Variants in THSD7A observed in about 807,000 individuals in gnomAD.
The protein encoded by THSD7A is thrombospondin type 1 domain containing 7A.
Under a neutral mutation model 231.3 loss-of-function variants are expected in THSD7A, and 96 were observed. The observed-to-expected ratio is 0.41, with a 90% CI of 0.35 to 0.49. The LOEUF is 0.49. THSD7A is among the 20% of genes least tolerant of loss of function. THSD7A has a pLI of 0.05. For synonymous variants in THSD7A, 940 were observed against 743.3 expected, an observed-to-expected ratio of 1.26 and a Z score of -4.30; for missense variants, 2,290 against 2,070.2, an observed-to-expected ratio of 1.11 and a Z score of -2.06.
In THSD7A at chr7:11,643,603, GCA is replaced by G. The variant is rs71027421; in HGVS notation, c.191-6644_191-6643del. Among the ~76,000 whole-genome samples, 1,206 of 149,566 alleles carry G rather than the reference GCA, an allele frequency of 8.1e-3. 14 individuals carry two copies. The highest frequency in any genetic ancestry group is 0.025 in the African/African-American group (1,026 of 40,558). On this transcript the variant is annotated intron_variant, in intron 1 of 27. Coordinates refer to ENST00000423059, the MANE Select transcript of THSD7A (RefSeq NM_015204.3). ...CAACAGATACACCACACGCACGCGCGCACACACACACACACACACAGATTGAA... is the reference window on the plus strand; with the variant it reads ...CAACAGATACACCACACGCACGCGCGCACACACACACACACACAGATTGAA...
chr7:11,598,885 T>G (rs1780457420), intron 2 of THSD7A, among the ~76,000 whole-genome samples: 1 of 152,134 alleles, frequency 6.6e-6, no homozygotes, highest in African/African-American at 2.4e-5. Context: ...ACAACAATGA[T>G]TCCATTAAAC....
chr7:11,542,815 G>A, intron 5 of THSD7A, 147 bp downstream of exon 5: 1 of 849,802 alleles, frequency 1.2e-6, no homozygotes, highest in East Asian at 2.8e-5. Context: ...TATCACTGGA[G>A]AAGGTTAATT....
At chr7:11,654,823 T>G (rs1220518414) in intron 1 of THSD7A, among the ~76,000 whole-genome samples, 1 of 151,938 alleles carries the variant, frequency 6.6e-6, no homozygotes, top group Non-Finnish European at 1.5e-5. Context: ...ATATATCTAC[T>G]GAAATCGAAC....
At chr7:11,522,481 C>T (rs974984536) in intron 6 of THSD7A, among the ~76,000 whole-genome samples, 2 of 152,112 alleles carry the variant, frequency 1.3e-5, no homozygotes, top group African/African-American at 4.8e-5. Flanking sequence ...AAGTACTTTG[C>T]TTATTTTTCT....
At chr7:11,541,839 A>G (rs1438028699) in intron 5 of THSD7A, among the ~76,000 whole-genome samples, 2 of 152,214 alleles carry the variant, frequency 1.3e-5, no homozygotes, top group African/African-American at 2.4e-5. Flanking sequence ...ATGGAATGAA[A>G]AAAAATGAGA....
At chr7:11,669,971 A>G (rs920054485) in intron 1 of THSD7A, among the ~76,000 whole-genome samples, 1 of 150,852 alleles carries the variant, frequency 6.6e-6, no homozygotes, top group African/African-American at 2.4e-5. Flanking sequence ...TGTTGCATTC[A>G]TGTGTGTGTG....
In THSD7A at chr7:11,754,509, G is replaced by C. The variant is rs941755076; in HGVS notation, c.190+77248C>G. ...CATGTTTACTACCTGACCACTTTTA[G>C]CATGAATCTTTCTTCTGCTTCTTGT... On this transcript the variant is annotated intron_variant, in intron 1 of 27. Coordinates refer to ENST00000423059, the MANE Select transcript of THSD7A (RefSeq NM_015204.3). 2.0e-5 allele frequency among the ~76,000 whole-genome samples: 3 copies of C among 152,048 alleles called. No homozygotes were observed. The South Asian group carries it at 6.2e-4, about 31-fold the overall frequency.
At chr7:11,718,706 T>A (rs946750371) in intron 1 of THSD7A, among the ~76,000 whole-genome samples, 2 of 151,580 alleles carry the variant, frequency 1.3e-5, no homozygotes, top group Non-Finnish European at 3.0e-5. Context: ...TGATAAGACA[T>A]AATTATAAAA....
intron 1 of THSD7A, among the ~76,000 whole-genome samples, chr7:11,670,988 G>C (rs1289482652): frequency 6.6e-6 from 1 of 152,100 alleles, no homozygotes; most frequent in Non-Finnish European, 1.5e-5. Context: ...TTTTCCATAA[G>C]ATTTCACAAG....
chr7:11,762,799 T>A (rs540757087), intron 1 of THSD7A, among the ~76,000 whole-genome samples: 1 of 151,478 alleles, frequency 6.6e-6, no homozygotes, highest in East Asian at 1.9e-4. Context: ...ATGAAAAAAA[T>A]TATAGATGAC....
At chr7:11,495,518 T>A (rs1183417577) in intron 6 of THSD7A, among the ~76,000 whole-genome samples, 1 of 152,150 alleles carries the variant, frequency 6.6e-6, no homozygotes, top group Non-Finnish European at 1.5e-5. Flanking sequence ...CTGTAGTAGT[T>A]GGTGAACAGT....
rs1395087095 is a variant in THSD7A, at chr7:11,473,935, T to C, written c.2252+399A>G. ...CAGATCATACAAGGCTTCTACCCAATTAAACTAGATTGGGCAGCCTCCGTA... is the reference window on the plus strand; with the variant it reads ...CAGATCATACAAGGCTTCTACCCAACTAAACTAGATTGGGCAGCCTCCGTA... On this transcript the variant is annotated intron_variant, in intron 8 of 27. Coordinates refer to ENST00000423059, the MANE Select transcript of THSD7A (RefSeq NM_015204.3). Among the ~76,000 whole-genome samples the C allele has an allele frequency of 3.9e-5, 6 of 152,100 alleles. 1 individual carries two copies. In the South Asian group the frequency reaches 1.2e-3, roughly 32 times the overall value.
chr7:11,808,115 G>A (rs1784443261), intron 1 of THSD7A, among the ~76,000 whole-genome samples: 1 of 151,444 alleles, frequency 6.6e-6, no homozygotes, highest in Non-Finnish European at 1.5e-5. Context: ...TTCTGATTAC[G>A]CCAGGGTGCC....
chr7:11,679,942 A>G (rs1783801038), intron 1 of THSD7A, among the ~76,000 whole-genome samples: 1 of 152,172 alleles, frequency 6.6e-6, no homozygotes, highest in African/African-American at 2.4e-5. Context: ...CTGACTTCAA[A>G]CTATACTACA....
At chr7:11,711,361 G>A (rs1584246833) in intron 1 of THSD7A, among the ~76,000 whole-genome samples, 2 of 150,894 alleles carry the variant, frequency 1.3e-5, no homozygotes, top group Admixed American at 1.3e-4. Flanking sequence ...TATTTGTTGT[G>A]TCAATGCCCC....
Position 11,824,093 on chromosome 7 carries a change from GA to G in THSD7A, c.190+7663del, listed in dbSNP as rs561009599. On this transcript the variant is annotated intron_variant, in intron 1 of 27. Coordinates refer to ENST00000423059, the MANE Select transcript of THSD7A (RefSeq NM_015204.3). ...TAAACTATCAGTGTAAAGTTCTGAT[GA>G]AAAAAATTAGAAAAGATATCTACCT... 1.5e-4 allele frequency among the ~76,000 whole-genome samples: 23 copies of G among 152,118 alleles called. No individual in the cohort carries two copies. In the South Asian group the frequency reaches 4.8e-3, roughly 32 times the overall value.
chr7:11,522,775 C>CA (rs1391240478), intron 6 of THSD7A, among the ~76,000 whole-genome samples: 2 of 152,054 alleles, frequency 1.3e-5, no homozygotes, highest in African/African-American at 4.8e-5. Flanking sequence ...TTTATTGTGG[C>CA]AATGTTTCTT....
intron 13 of THSD7A, among the ~76,000 whole-genome samples, chr7:11,434,888 T>C (rs1784584976): frequency 6.6e-6 from 1 of 152,070 alleles, no homozygotes; most frequent in Admixed American, 6.6e-5. Context: ...CAAACTCCTA[T>C]ATTCCAATGT....
At chr7:11,695,824 G>A (rs1296609778) in intron 1 of THSD7A, among the ~76,000 whole-genome samples, 1 of 151,318 alleles carries the variant, frequency 6.6e-6, no homozygotes, top group Admixed American at 6.6e-5. Flanking sequence ...AATTTGGTGA[G>A]GTAACATGAA....
Sources: gnomAD v4.1 joint callset for allele counts (sites outside exome capture counted in the v4.1 genomes callset) on GRCh38, gnomAD v4.1.1 for gene constraint, MANE v1.5 for transcripts, NCBI Gene and HGNC (gene_info 2026-07-23, HGNC 2026-07-21) for gene names.